Variants in TEC observed in about 807,000 individuals in gnomAD.
The protein encoded by TEC is tec protein tyrosine kinase.
A neutral mutation model predicts 93.0 loss-of-function variants in TEC; 72 were observed. The observed-to-expected ratio is 0.77, with a 90% confidence interval of 0.64 to 0.94. The LOEUF (loss-of-function observed/expected upper bound fraction) is 0.94. TEC is among the 40% of genes least tolerant of loss of function. The pLI is 0.00. For synonymous variants in TEC, 249 were observed against 247.7 expected (o/e 1.01, Z -0.05); for missense variants, 630 against 757.9 (o/e 0.83, Z 1.98).
chr4:48,234,838 GAA>G (rs1219579708), intron 1 of TEC, among the ~76,000 whole-genome samples: 4 of 152,122 alleles, frequency 2.6e-5, no homozygotes, highest in African/African-American at 9.7e-5. Flanking sequence ...TAGCAGAGGA[GAA>G]GAAGGAGGAA....
At chr4:48,160,066 A>G (rs1388762752) in intron 8 of TEC, among the ~76,000 whole-genome samples, 1 of 152,216 alleles carries the variant, frequency 6.6e-6, no homozygotes, top group East Asian at 1.9e-4. Context: ...AGCACGTTAC[A>G]TTTATTACCT....
Position 48,160,926 on chromosome 4 carries a change from G to GA in TEC, c.737+2775dup, listed in dbSNP as rs567730617. Among the ~76,000 whole-genome samples the GA allele has an allele frequency of 8.8e-4, 133 of 150,708 alleles. 2 individuals are homozygous for GA. Among genetic ancestry groups the GA allele is most frequent in the African/African-American group, 3.2e-3 (130 of 41,088 alleles). On this transcript the variant is annotated intron_variant, in intron 8 of 17. Transcript: ENST00000381501. ...ATTTAAAAAAAAAAAGCATGCCACA[G>GA]AAAAGCTTTATTAGAGGCTAATACC...
intron 1 of TEC, among the ~76,000 whole-genome samples, chr4:48,232,185 A>C (rs1316654750): frequency 6.6e-6 from 1 of 152,082 alleles, no homozygotes; most frequent in African/African-American, 2.4e-5. Context: ...GCTACTTGGG[A>C]GGCTGAGGCA....
chr4:48,146,242 A>C (rs1444820365), intron 12 of TEC, 83 bp downstream of exon 12: 1 of 1,320,992 alleles, frequency 7.6e-7, no homozygotes, highest in African/African-American at 1.5e-5. Flanking sequence ...CAGTATGTGA[A>C]ATAGTACACA....
At chr4:48,191,382 T>TA (rs1191445857) in intron 2 of TEC, among the ~76,000 whole-genome samples, 1 of 152,114 alleles carries the variant, frequency 6.6e-6, no homozygotes, top group African/African-American at 2.4e-5. Context: ...TACAGTTCAA[T>TA]AAAAAAATAT....
At chr4:48,261,900 C>T (rs1288403231) in intron 1 of TEC, among the ~76,000 whole-genome samples, 1 of 152,114 alleles carries the variant, frequency 6.6e-6, no homozygotes, top group Non-Finnish European at 1.5e-5. Context: ...ATAATGAATA[C>T]TTACTTCCCT....
chr4:48,238,818 C>T (rs1016447356), intron 1 of TEC, among the ~76,000 whole-genome samples: 17 of 151,556 alleles, frequency 1.1e-4, no homozygotes, highest in African/African-American at 3.9e-4. Flanking sequence ...GTACTCCTTC[C>T]AGGCCATTTT....
intron 2 of TEC, among the ~76,000 whole-genome samples, chr4:48,219,734 T>G (rs567586353): frequency 2.0e-5 from 3 of 152,226 alleles, no homozygotes; most frequent in Non-Finnish European, 2.9e-5. Context: ...AGATTCACCT[T>G]CCTTACCCTG....
Position 48,176,105 on chromosome 4 carries a change from A to G in TEC, c.220T>C (p.Cys74Arg), listed in dbSNP as rs776126020. 23 of 1,613,476 alleles carry G rather than the reference A, an allele frequency of 1.4e-5. No individual in the cohort carries two copies. The highest frequency in any genetic ancestry group is 1.9e-5 in the Non-Finnish European group (22 of 1,179,574). ...ACCTGAAATGGATACTTATTTTGACAGGGAATGACACCATCATCATTCTTC... is the reference window on the plus strand; with the variant it reads ...ACCTGAAATGGATACTTATTTTGACGGGGAATGACACCATCATCATTCTTC... ...IVKNDDGVIP[C>R]QNKYPFQVVH... Residue 74 changes from cysteine (C) to arginine (R), a missense_variant, in exon 3 of 18, where the codon TGT becomes CGT. By Grantham distance (180) the Cys-to-Arg change is radical. Transcript: ENST00000381501.
At chr4:48,262,287 C>T in intron 1 of TEC, among the ~76,000 whole-genome samples, 1 of 141,316 alleles carries the variant, frequency 7.1e-6, no homozygotes, top group Non-Finnish European at 1.5e-5. Context: ...ACCTCTGCTA[C>T]CTGAGTTCAA....
At chr4:48,241,169 ATT>A (rs1394414931) in intron 1 of TEC, among the ~76,000 whole-genome samples, 1 of 151,642 alleles carries the variant, frequency 6.6e-6, no homozygotes, top group Non-Finnish European at 1.5e-5. Flanking sequence ...TCTATTCATC[ATT>A]GTCATTATCT....
In TEC at chr4:48,149,607, G is replaced by C; in HGVS notation, c.956C>G (p.Ala319Gly). The C allele has an allele frequency of 1.2e-6, 2 of 1,612,192 alleles. No individual in the cohort carries two copies. Among genetic ancestry groups the C allele is most frequent in the Non-Finnish European group, 1.7e-6 (2 of 1,179,298 alleles). The change falls in exon 11 of 18, where the codon GCT (alanine) becomes GGT (glycine). Residue 319 changes from alanine to glycine, a missense_variant. By Grantham distance (60) the Ala-to-Gly change is moderately conservative (BLOSUM62 0). Coordinates refer to ENST00000381501, the MANE Select transcript of TEC (RefSeq NM_003215.3). ...PKKYYLAEKH[A>G]FGSIPEIIEY... ...AATAATCTCAGGAATGGAGCCAAAA[G>C]CATGTTTTTCAGCTAGGTAATACTT... is the stretch of plus-strand genomic sequence containing the variant.
chr4:48,220,369 G>A (rs1723220721), intron 2 of TEC, among the ~76,000 whole-genome samples: 1 of 152,036 alleles, frequency 6.6e-6, no homozygotes, highest in African/African-American at 2.4e-5. Flanking sequence ...AAGTGGACCT[G>A]GTGGGAGGTG....
At chr4:48,158,869 G>T (rs555644280) in intron 8 of TEC, among the ~76,000 whole-genome samples, 2 of 152,290 alleles carry the variant, frequency 1.3e-5, no homozygotes, top group South Asian at 4.1e-4. Context: ...CATTTTTATG[G>T]TGTTGGCAAG....
At chr4:48,219,332 T>C (rs972699525) in intron 2 of TEC, among the ~76,000 whole-genome samples, 3 of 152,188 alleles carry the variant, frequency 2.0e-5, no homozygotes, top group Non-Finnish European at 4.4e-5. Flanking sequence ...AAAGGGAGTC[T>C]CCTTTCCTTG....
chr4:48,244,025 T>C (rs1318716415), intron 1 of TEC, among the ~76,000 whole-genome samples: 2 of 149,676 alleles, frequency 1.3e-5, no homozygotes, highest in Non-Finnish European at 3.0e-5. Context: ...TGGGCTGGGC[T>C]AAAAAGCTGA....
chr4:48,255,709 C>G (rs768075293), intron 1 of TEC, among the ~76,000 whole-genome samples: 1 of 152,140 alleles, frequency 6.6e-6, no homozygotes, highest in Non-Finnish European at 1.5e-5. Flanking sequence ...TAAAATAGTA[C>G]CTACCTCCTA....
At chr4:48,235,957 C>T (rs1370493991) in intron 1 of TEC, among the ~76,000 whole-genome samples, 2 of 152,250 alleles carry the variant, frequency 1.3e-5, no homozygotes, top group East Asian at 3.9e-4. Flanking sequence ...GGCCTACACT[C>T]TTCACTACAC....
chr4:48,176,905 T>C (rs1455663308), intron 2 of TEC, among the ~76,000 whole-genome samples: 5 of 152,208 alleles, frequency 3.3e-5, no homozygotes, highest in Admixed American at 3.3e-4. Context: ...CCAGCTCTGT[T>C]TTCCCCTTCA....
Sources: gnomAD v4.1 joint callset for allele counts (sites outside exome capture counted in the v4.1 genomes callset) on GRCh38, gnomAD v4.1.1 for gene constraint, MANE v1.5 for transcripts, NCBI Gene and HGNC (gene_info 2026-07-23, HGNC 2026-07-21) for gene names.